SEMA3A: variants seen among roughly 807,000 people sequenced by gnomAD.
SEMA3A encodes the protein semaphorin 3A, also known as semaphorin-3A.
A neutral mutation model predicts 97.9 loss-of-function variants in SEMA3A; 29 were observed. That is an observed-to-expected ratio of 0.30 (90% confidence interval 0.22 to 0.40). The LOEUF is 0.40. SEMA3A is among the 10% of genes least tolerant of loss of function. The pLI is 1.00. For missense variants in SEMA3A, 763 were observed against 951.3 expected (o/e 0.80, Z 2.60); for synonymous variants, 321 against 323.7 (o/e 0.99, Z 0.09).
At chr7:84,153,136 C>T (rs1226607292) in intron 1 of SEMA3A, among the ~76,000 whole-genome samples, 1 of 152,126 alleles carries the variant, frequency 6.6e-6, no homozygotes, top group Non-Finnish European at 1.5e-5. Context: ...TTGATAAGCT[C>T]TGGAGTTTAT....
chr7:84,028,900 T>C (rs1454594307), intron 6 of SEMA3A, among the ~76,000 whole-genome samples: 3 of 152,244 alleles, frequency 2.0e-5, no homozygotes, highest in African/African-American at 7.2e-5. Flanking sequence ...ATTACAGGCG[T>C]GAGCCACAGT....
chr7:84,124,359 G>C (rs1029205550), intron 3 of SEMA3A, among the ~76,000 whole-genome samples: 1 of 152,166 alleles, frequency 6.6e-6, no homozygotes, highest in Admixed American at 6.6e-5. Context: ...TAACAAGTAA[G>C]GAGGTTGTTT....
chr7:84,129,032 A>G, intron 3 of SEMA3A, 91 bp downstream of exon 3: 1 of 1,012,812 alleles, frequency 9.9e-7, no homozygotes, highest in Non-Finnish European at 1.6e-6. Context: ...CCACACACAC[A>G]AAAAAATCAG....
intron 4 of SEMA3A, among the ~76,000 whole-genome samples, chr7:84,097,210 G>A (rs1794801919): frequency 6.6e-6 from 1 of 152,036 alleles, no homozygotes; most frequent in Non-Finnish European, 1.5e-5. Flanking sequence ...GCACTTAAAA[G>A]GATCTTGAAC....
intron 2 of SEMA3A, among the ~76,000 whole-genome samples, chr7:84,308,271 G>C (rs1801216391): frequency 6.6e-6 from 1 of 152,052 alleles, no homozygotes; most frequent in African/African-American, 2.4e-5. Context: ...TGTGTGATAG[G>C]ATTAGATAAA....
At chr7:84,319,221 A>G (rs2115901333) in intron 2 of SEMA3A, among the ~76,000 whole-genome samples, 1 of 152,282 alleles carries the variant, frequency 6.6e-6, no homozygotes, top group African/African-American at 2.4e-5. Context: ...TCAGATCTTA[A>G]TTAGGAGGTT....
intron 2 of SEMA3A, among the ~76,000 whole-genome samples, chr7:84,310,005 T>G (rs1801273509): frequency 6.6e-6 from 1 of 152,208 alleles, no homozygotes; most frequent in South Asian, 2.1e-4. Flanking sequence ...ATACAATTCC[T>G]ATTTTTGAAA....
chr7:84,466,536 T>G (rs2116399858), intron 1 of SEMA3A, among the ~76,000 whole-genome samples: 1 of 152,314 alleles, frequency 6.6e-6, no homozygotes, highest in Non-Finnish European at 1.5e-5. Flanking sequence ...GGAAGCAAAT[T>G]CTAGCAGGCC....
At chr7:84,376,568 C>G (rs1461527134) in intron 1 of SEMA3A, among the ~76,000 whole-genome samples, 4 of 99,260 alleles carry the variant, frequency 4.0e-5, no homozygotes. Flanking sequence ...CGCGCCACTG[C>G]ACTCCAGCCT....
chr7:83,958,598 AC>A lies in SEMA3A; in HGVS notation c.*2772del, dbSNP rs968816852. 10 of 152,594 alleles carry A rather than the reference AC, an allele frequency of 6.6e-5. No homozygotes were observed. The highest frequency in any genetic ancestry group is 2.4e-4 in the African/African-American group (10 of 41,562). The allele number at this position is 152,594 out of a possible 1,614,324, so 9.5% of individuals were successfully genotyped here. A position where few individuals can be genotyped will look rare whatever the true frequency, so the allele number is the denominator to read the frequency against. ...ATCTTGCCTTTTAGGATGATGTTGA[AC>A]ACATTGAAATGGAGTACTTATAGAA... is the stretch of plus-strand genomic sequence containing the variant. On this transcript the variant is annotated 3_prime_UTR_variant, in exon 17 of 17. Coordinates refer to ENST00000265362, the MANE Select transcript of SEMA3A (RefSeq NM_006080.3).
intron 4 of SEMA3A, among the ~76,000 whole-genome samples, chr7:84,076,121 T>C (rs12672501): frequency 0.12 from 18,270 of 152,228 alleles, 1,181 homozygotes; most frequent in South Asian, 0.15. Context: ...TTAATTATAA[T>C]TTATTACCAC....
At chr7:83,979,342 C>G (rs1444049453) in intron 14 of SEMA3A, among the ~76,000 whole-genome samples, 1 of 152,056 alleles carries the variant, frequency 6.6e-6, no homozygotes, top group African/African-American at 2.4e-5. Context: ...CCATGCTGGC[C>G]AGGCTGGTCT....
At chr7:84,215,753 T>G (rs928977948) in intron 3 of SEMA3A, among the ~76,000 whole-genome samples, 1 of 152,224 alleles carries the variant, frequency 6.6e-6, no homozygotes, top group Admixed American at 6.5e-5. Context: ...AGTTATTGGA[T>G]GAATAAATTC....
chr7:84,471,361 A>G (rs1273538455), intron 1 of SEMA3A, among the ~76,000 whole-genome samples: 2 of 152,144 alleles, frequency 1.3e-5, no homozygotes, highest in East Asian at 3.8e-4. Flanking sequence ...TTCACTTATT[A>G]AACAGACACA....
chr7:84,257,741 C>A (rs967205305), intron 3 of SEMA3A, among the ~76,000 whole-genome samples: 1 of 152,030 alleles, frequency 6.6e-6, no homozygotes, highest in African/African-American at 2.4e-5. Flanking sequence ...AATGAAATTT[C>A]ATAAAGACAC....
rs750059502 is a variant in SEMA3A at position 84,013,443 on chromosome 7, T to TTG, written c.810+764_810+765dup. 1.6e-3 allele frequency among the ~76,000 whole-genome samples: 246 copies of TTG among 151,962 alleles called. 5 individuals are homozygous for TTG. The East Asian group carries it at 0.037, about 23-fold the overall frequency. On this transcript the variant is annotated intron_variant, in intron 7 of 16. Coordinates refer to ENST00000265362, the MANE Select transcript of SEMA3A (RefSeq NM_006080.3). Reference sequence around the variant, plus strand: ...TTCAAAATTGTTTTTGTGTGGGTGTTTGTGTGTGTGTGTATATGTGTGCAT... The same window carrying TTG: ...TTCAAAATTGTTTTTGTGTGGGTGTTTGTGTGTGTGTGTGTATATGTGTGCAT...
chr7:84,428,406 A>T (rs1286917645), intron 1 of SEMA3A, among the ~76,000 whole-genome samples: 1 of 152,096 alleles, frequency 6.6e-6, no homozygotes, highest in Non-Finnish European at 1.5e-5. Flanking sequence ...TTTCATAATC[A>T]CATCAAATTT....
Position 84,194,387 on chromosome 7 carries a change from A to G in SEMA3A, c.112+88T>C, listed in dbSNP as rs368819469. On this transcript the variant is annotated intron_variant, in intron 1 of 16. Transcript: ENST00000265362. ...TTTACCAGGTTAAACTAAAGGTTTG[A>G]TGATTTGGGGTTGGGAGGGAGTTCA... is the stretch of plus-strand genomic sequence containing the variant. The G allele has an allele frequency of 2.3e-5, 19 of 812,780 alleles. 2 individuals are homozygous for G. Among genetic ancestry groups the G allele is most frequent in the East Asian group, 7.6e-5 (3 of 39,686 alleles). 50.3% of individuals were successfully genotyped at this position (812,780 alleles called of 1,614,324 possible).
intron 2 of SEMA3A, among the ~76,000 whole-genome samples, chr7:84,337,300 G>C (rs1584248684): frequency 6.6e-6 from 1 of 152,068 alleles, no homozygotes; most frequent in Non-Finnish European, 1.5e-5. Context: ...ACTGTGCCTA[G>C]CACATTTTTG....
Sources: allele counts gnomAD v4.1 joint callset (sites outside exome capture counted in the v4.1 genomes callset), GRCh38; gene constraint gnomAD v4.1.1; transcripts MANE v1.5; gene names NCBI Gene and HGNC (gene_info 2026-07-23, HGNC 2026-07-21).